The following PYGL variants were observed in gnomAD, a reference collection of about 807,000 sequenced individuals.
PYGL encodes glycogen phosphorylase L.
PYGL carries 90 observed loss-of-function variants against 100.1 expected under a neutral mutation model. The observed-to-expected ratio is 0.90, with a 90% confidence interval of 0.76 to 1.07. The LOEUF is 1.07. Ranked by LOEUF, PYGL falls within the 50% of genes least tolerant of loss-of-function variation. The pLI is 0.00. For synonymous variants in PYGL, 373 were observed against 393.0 expected, an observed-to-expected ratio of 0.95 and a Z score of 0.60; for missense variants, 1,016 against 1,057.6, an observed-to-expected ratio of 0.96 and a Z score of 0.55.
chr14:50,909,841 A>G, intron 17 of PYGL, 54 bp downstream of exon 17: 1 of 1,595,834 alleles, frequency 6.3e-7, no homozygotes, highest in Non-Finnish European at 8.6e-7. Context: ...GAGGTCACAT[A>G]CCTTCTAGGG....
In PYGL at chr14:50,912,274, C is replaced by T. The variant is rs1289615395; in HGVS notation, c.1650G>A (p.Leu550=). The T allele has an allele frequency of 6.2e-7, 1 of 1,614,106 alleles. No individual in the cohort carries two copies. Among genetic ancestry groups the T allele is most frequent in the East Asian group, 2.2e-5 (1 of 44,876 alleles). The change falls in exon 14 of 20, where the codon CTG becomes CTA. Residue 550 remains leucine (L), a synonymous_variant. Transcript: ENST00000216392. ...QENKLKFSQF[L]ETEYKVKINP... Reference sequence around the variant, plus strand: ...TGATCTTCACTTTGTACTCCGTCTCCAGGAACTGAGAAAACTTCAGCTTAT... The same window carrying T: ...TGATCTTCACTTTGTACTCCGTCTCTAGGAACTGAGAAAACTTCAGCTTAT...
In PYGL at chr14:50,905,436, T is replaced by G. The variant is rs1476971587; in HGVS notation, c.2500A>C (p.Lys834Gln). ...NIWNVEPSDL[K>Q]ISLSNESNKV... is the part of the protein sequence containing the mutation. ...TTAGATTCATTGGATAGAGAAATCT[T>G]TAGATCTGAAGGTTCCACGTTCCAG... Residue 834 changes from lysine (K) to glutamine (Q), a missense_variant, in exon 20 of 20, where the codon AAG (lysine) becomes CAG (glutamine). Transcript: ENST00000216392. 3 of 1,613,852 alleles carry G rather than the reference T, an allele frequency of 1.9e-6. No individual in the cohort carries two copies. In the South Asian group the frequency reaches 3.3e-5, roughly 18 times the overall value.
At chr14:50,913,521 G>A (rs1410691767) in intron 12 of PYGL, among the ~76,000 whole-genome samples, 3 of 151,600 alleles carry the variant, frequency 2.0e-5, no homozygotes, top group Non-Finnish European at 4.4e-5. Context: ...ACAGGCGCCT[G>A]CCACCACGCC....
chr14:50,910,546 C>G (rs1387491849), intron 16 of PYGL, among the ~76,000 whole-genome samples: 1 of 152,152 alleles, frequency 6.6e-6, no homozygotes, highest in African/African-American at 2.4e-5. Flanking sequence ...GCCTTGACCT[C>G]CTAGGCTCAA....
chr14:50,929,369 G>T (rs1389972635), intron 4 of PYGL, among the ~76,000 whole-genome samples: 3 of 152,104 alleles, frequency 2.0e-5, no homozygotes, highest in African/African-American at 7.2e-5. Context: ...GCAATATTTT[G>T]AATGAGCAAA....
chr14:50,914,721 G>A lies in PYGL; in HGVS notation c.1498C>T (p.Leu500Phe). 6.2e-7 allele frequency: 1 copy of A among 1,613,258 alleles called. No individual in the cohort carries two copies. Among genetic ancestry groups the A allele is most frequent in the Non-Finnish European group, 8.5e-7 (1 of 1,179,288 alleles). ...RRWLLLCNPGLAELIAEKIGE... is the reference protein window; with the variant it reads ...RRWLLLCNPGFAELIAEKIGE... Reference sequence around the variant, plus strand: ...GTTACCTCTGCTATGAGCTCTGCAAGTCCTGGGTTGCAGAGTAGGAGCCAG... The same window carrying A: ...GTTACCTCTGCTATGAGCTCTGCAAATCCTGGGTTGCAGAGTAGGAGCCAG... The change falls in exon 12 of 20, where the codon CTT becomes TTT. Residue 500 changes from leucine (L) to phenylalanine (F), a missense_variant. Leu to Phe is a conservative substitution (Grantham distance 22). Coordinates refer to ENST00000216392, the MANE Select transcript of PYGL (RefSeq NM_002863.5).
chr14:50,920,638 G>A lies in PYGL; in HGVS notation c.773-15C>T. On this transcript the variant is annotated splice_polypyrimidine_tract_variant and intron_variant, in intron 6 of 19. Transcript: ENST00000216392. ...TCCAACATTAACTAGGGGAAAGTTA[G>A]AGAAACAATAAATAGAGAAACCAGC... is the stretch of plus-strand genomic sequence containing the variant. 1 of 1,591,780 alleles carries A rather than the reference G, an allele frequency of 6.3e-7. No homozygotes were observed. Among genetic ancestry groups the A allele is most frequent in the Non-Finnish European group, 8.6e-7 (1 of 1,159,750 alleles).
chr14:50,930,328 A>C (rs2050591185), intron 4 of PYGL, among the ~76,000 whole-genome samples: 1 of 152,206 alleles, frequency 6.6e-6, no homozygotes, highest in South Asian at 2.1e-4. Context: ...ACTGAGGTTC[A>C]GGGAAGTTTG....
At chr14:50,931,368 A>T (rs1156981584) in intron 4 of PYGL, among the ~76,000 whole-genome samples, 1 of 152,232 alleles carries the variant, frequency 6.6e-6, no homozygotes, top group African/African-American at 2.4e-5. Flanking sequence ...CAGAGAATGG[A>T]ACATCACACA....
intron 4 of PYGL, among the ~76,000 whole-genome samples, chr14:50,927,806 C>T (rs974981766): frequency 2.0e-5 from 3 of 152,110 alleles, no homozygotes; most frequent in African/African-American, 7.2e-5. Flanking sequence ...GAGGAGAGAA[C>T]TATCCCTTGC....
At chr14:50,922,631 C>A (rs567053834) in intron 5 of PYGL, among the ~76,000 whole-genome samples, 1 of 152,178 alleles carries the variant, frequency 6.6e-6, no homozygotes, top group Non-Finnish European at 1.5e-5. Flanking sequence ...ACCAAAGCTG[C>A]GCTCTCTGGG....
rs975162854 is a variant in PYGL, at chr14:50,909,925, A to G, written c.2147T>C (p.Ile716Thr). The G allele has an allele frequency of 1.2e-6, 2 of 1,614,186 alleles. No homozygotes were observed. Among genetic ancestry groups the G allele is most frequent in the Non-Finnish European group, 8.5e-7 (1 of 1,180,032 alleles). Residue 716 changes from isoleucine (I) to threonine (T), a missense_variant, in exon 17 of 20, where the codon ATA (isoleucine) becomes ACA (threonine). Coordinates refer to ENST00000216392, the MANE Select transcript of PYGL (RefSeq NM_002863.5). ...CTTGTCCAAAGCAGCCACATCATCT[A>G]TCCTCATGCCAAAGATGAACAGGTT... ...EENLFIFGMR[I>T]DDVAALDKKG...
chr14:50,920,911 G>A (rs756199319), intron 6 of PYGL, 45 bp downstream of exon 6: 5 of 1,543,516 alleles, frequency 3.2e-6, no homozygotes, highest in Non-Finnish European at 4.5e-6. Flanking sequence ...CAATCAAAAA[G>A]ATTAAGCACA....
chr14:50,925,560 G>A (rs2050540044), intron 4 of PYGL, among the ~76,000 whole-genome samples: 1 of 152,218 alleles, frequency 6.6e-6, no homozygotes, highest in Non-Finnish European at 1.5e-5. Context: ...AAACATGAGT[G>A]TAATGCCTGT....
In PYGL at chr14:50,912,201, T is replaced by G. The variant is rs767097617; in HGVS notation, c.1723A>C (p.Lys575Gln). The G allele has an allele frequency of 1.2e-6, 2 of 1,614,080 alleles. No homozygotes were observed. The highest frequency in any genetic ancestry group is 2.2e-5 in the South Asian group (2 of 91,086). The change falls in exon 14 of 20, where the codon AAG (lysine) becomes CAG (glutamine). Residue 575 changes from lysine to glutamine, a missense_variant. Coordinates refer to ENST00000216392, the MANE Select transcript of PYGL (RefSeq NM_002863.5). ...DVQVKRIHEYKRQLLNCLHVI... is the reference protein window; with the variant it reads ...DVQVKRIHEYQRQLLNCLHVI... Reference sequence around the variant, plus strand: ...TGCAGACAGTTCAAGAGCTGTCGCTTGTACTCATGTATCCTCTTCACCTGG... The same window carrying G: ...TGCAGACAGTTCAAGAGCTGTCGCTGGTACTCATGTATCCTCTTCACCTGG...
rs371462026 is a variant in PYGL at position 50,914,736 on chromosome 14, G to A, written c.1483C>T (p.Leu495Phe). Residue 495 changes from leucine to phenylalanine, a missense_variant, in exon 12 of 20, where the codon CTC (leucine) becomes TTC (phenylalanine). Physicochemically the swap from Leu to Phe is conservative, Grantham distance 22. Coordinates refer to ENST00000216392, the MANE Select transcript of PYGL (RefSeq NM_002863.5). ...AGCTCTGCAAGTCCTGGGTTGCAGA[G>A]TAGGAGCCAGCGCCTTGGAGTGATC... ...NGITPRRWLL[L>F]CNPGLAELIA... 1.2e-6 allele frequency: 2 copies of A among 1,614,034 alleles called. No individual in the cohort carries two copies. The highest frequency in any genetic ancestry group is 1.7e-6 in the Non-Finnish European group (2 of 1,179,934).
intron 5 of PYGL, among the ~76,000 whole-genome samples, chr14:50,921,940 A>T (rs2050506834): frequency 6.6e-6 from 1 of 152,244 alleles, no homozygotes; most frequent in South Asian, 2.1e-4. Context: ...TATTTTAGTG[A>T]TTCCTACAGT....
Position 50,930,567 on chromosome 14 carries a change from A to T in PYGL, c.528+1106T>A, listed in dbSNP as rs59398020. 1.5e-3 allele frequency among the ~76,000 whole-genome samples: 221 copies of T among 152,284 alleles called. 2 individuals are homozygous for T. The highest frequency in any genetic ancestry group is 4.9e-3 in the African/African-American group (205 of 41,566). Reference sequence around the variant, plus strand: ...TCTCCTGAGTCTTTTTCCTTGGCACATTCTCTCATCAAACCAAATTTTTTA... The same window carrying T: ...TCTCCTGAGTCTTTTTCCTTGGCACTTTCTCTCATCAAACCAAATTTTTTA... On this transcript the variant is annotated intron_variant, in intron 4 of 19. Transcript: ENST00000216392.
At chr14:50,910,998 C>T (rs372481761) in intron 16 of PYGL, among the ~76,000 whole-genome samples, 39 of 152,360 alleles carry the variant, frequency 2.6e-4, no homozygotes, top group African/African-American at 8.2e-4. Context: ...CCTGGCTCTT[C>T]TCCCTTTATG....
Sources: allele counts gnomAD v4.1 joint callset (sites outside exome capture counted in the v4.1 genomes callset), GRCh38; gene constraint gnomAD v4.1.1; transcripts MANE v1.5; gene names NCBI Gene and HGNC (gene_info 2026-07-23, HGNC 2026-07-21).